The following NDUFA5 variants were observed in gnomAD, a reference collection of about 807,000 sequenced individuals.
The protein encoded by NDUFA5 is NADH:ubiquinone oxidoreductase subunit A5, also known as NADH dehydrogenase [ubiquinone] 1 alpha subcomplex subunit 5.
In NDUFA5, 11 loss-of-function variants were observed where a neutral mutation model predicts 19.8. The observed-to-expected ratio is 0.56, with a 90% CI of 0.35 to 0.92. The LOEUF (loss-of-function observed/expected upper bound fraction) is 0.92. NDUFA5 is among the 40% of genes least tolerant of loss of function. NDUFA5 has a pLI of 0.01. For synonymous variants in NDUFA5, 47 were observed against 46.8 expected (o/e 1.00, Z -0.01); for missense variants, 109 against 134.2 (o/e 0.81, Z 0.93).
At chr7:123,560,076 A>G (rs1009841946), upstream of NDUFA5, among the ~76,000 whole-genome samples, 5 of 152,148 alleles carry the variant, frequency 3.3e-5, no homozygotes, top group South Asian at 1.0e-3. Context: ...TGAATACAGG[A>G]CAAAAACTAT....
chr7:123,550,974 G>A lies in NDUFA5; in HGVS notation c.67-388C>T, dbSNP rs567755907. Among the ~76,000 whole-genome samples the A allele has an allele frequency of 7.9e-5, 12 of 152,232 alleles. No homozygotes were observed. In the South Asian group the frequency reaches 2.5e-3, roughly 32 times the overall value. Reference sequence around the variant, plus strand: ...CGAAGTTTCACTTGTTGCCCAGGCTGGAGTACAATGGCATGATCTTGGCTC... The same window carrying A: ...CGAAGTTTCACTTGTTGCCCAGGCTAGAGTACAATGGCATGATCTTGGCTC... On this transcript the variant is annotated intron_variant, in intron 2 of 4. Transcript: ENST00000355749.
At chr7:123,590,776 A>C in the NDUFA5 span, among the ~76,000 whole-genome samples, 98 of 152,296 alleles carry the variant, frequency 6.4e-4, no homozygotes, top group African/African-American at 2.3e-3. Flanking sequence ...TGTCTTGGCT[A>C]TGCGGGCTCC....
upstream of NDUFA5, among the ~76,000 whole-genome samples, chr7:123,560,669 G>C (rs1281400877): frequency 6.6e-6 from 1 of 152,156 alleles, no homozygotes; most frequent in East Asian, 1.9e-4. Flanking sequence ...CCCTCTCATG[G>C]TATGCTCATA....
the NDUFA5 span, among the ~76,000 whole-genome samples, chr7:123,595,458 T>C: frequency 6.6e-6 from 1 of 152,220 alleles, no homozygotes. Context: ...CACAGATGTG[T>C]TCCCTCTCAG....
intron 2 of NDUFA5, chr7:123,551,708 C>T (rs181177645): frequency 7.3e-4 from 127 of 173,460 alleles, no homozygotes; most frequent in African/African-American, 2.8e-3. Flanking sequence ...AAGGCTCAAC[C>T]GAAAAAGTAG....
At chr7:123,572,912 TTC>T in the NDUFA5 span, among the ~76,000 whole-genome samples, 3 of 152,248 alleles carry the variant, frequency 2.0e-5, no homozygotes, top group South Asian at 6.2e-4. Flanking sequence ...TTTTTCTTTT[TTC>T]TCTTTTTTGT....
At chr7:123,563,740 T>C in the NDUFA5 span, among the ~76,000 whole-genome samples, 3 of 152,172 alleles carry the variant, frequency 2.0e-5, no homozygotes, top group African/African-American at 4.8e-5. Context: ...TTTATACATA[T>C]ACGTGGCTGT....
At chr7:123,558,111 A>C, upstream of NDUFA5, 1 of 489,198 alleles carries the variant, frequency 2.0e-6, no homozygotes, top group Non-Finnish European at 3.7e-6. Flanking sequence ...CTACCAAAAA[A>C]CTCCAGTCGC....
At chr7:123,555,244 CAT>C (rs1798495480) in intron 2 of NDUFA5, 1 of 152,086 alleles carries the variant, frequency 6.6e-6, no homozygotes, top group Non-Finnish European at 1.5e-5. Context: ...TTAGGAAAAT[CAT>C]ATGATTAGAT....
At chr7:123,551,751 G>A (rs2116149271) in intron 2 of NDUFA5, among the ~76,000 whole-genome samples, 1 of 152,252 alleles carries the variant, frequency 6.6e-6, no homozygotes, top group East Asian at 1.9e-4. Context: ...AGCATGTACT[G>A]AAGCACACTG....
Position 123,541,611 on chromosome 7 carries a change from A to T in NDUFA5, c.*508T>A, listed in dbSNP as rs916086486. 1.3e-5 allele frequency: 2 copies of T among 152,228 alleles called. No individual in the cohort carries two copies. The highest frequency in any genetic ancestry group is 4.8e-5 in the African/African-American group (2 of 41,464). The allele number at this position is 152,228 out of a possible 1,614,324, so 9.4% of individuals were successfully genotyped here. ...TTAAATTTCACTTTACATACATAAG[A>T]TCACAGCTGAGGTTAACCATAATTT... On this transcript the variant is annotated 3_prime_UTR_variant, in exon 5 of 5. Transcript: ENST00000355749.
At chr7:123,554,477 T>A (rs781443715) in intron 2 of NDUFA5, among the ~76,000 whole-genome samples, 1 of 137,870 alleles carries the variant, frequency 7.3e-6, no homozygotes, top group Non-Finnish European at 1.7e-5. Context: ...AATGAAAAAT[T>A]CCAGAAATAA....
At chr7:123,599,763 C>CATG in the NDUFA5 span, among the ~76,000 whole-genome samples, 2 of 152,110 alleles carry the variant, frequency 1.3e-5, no homozygotes, top group Non-Finnish European at 2.9e-5. Context: ...GCATTTCTTG[C>CATG]TATATATAGA....
chr7:123,584,826 C>T, the NDUFA5 span: 11 of 151,716 alleles, frequency 7.3e-5, no homozygotes, highest in African/African-American at 2.4e-4. Context: ...TCCATTAGTT[C>T]AAAAGAAAAG....
rs200556751 is a variant in NDUFA5, at chr7:123,557,368, G to A, written c.66+36C>T. On this transcript the variant is annotated intron_variant, in intron 2 of 4. Coordinates refer to ENST00000355749, the MANE Select transcript of NDUFA5 (RefSeq NM_005000.5). ...AGTGACAGGAATTTAGTCTTCCTTG[G>A]GAATTCAAGAACGAAGAAAGAACAA... 2.3e-5 allele frequency: 37 copies of A among 1,613,192 alleles called. No individual in the cohort carries two copies. The East Asian group carries it at 8.3e-4, about 36-fold the overall frequency.
At chr7:123,593,378 A>G in the NDUFA5 span, among the ~76,000 whole-genome samples, 2 of 151,840 alleles carry the variant, frequency 1.3e-5, no homozygotes, top group East Asian at 3.8e-4. Context: ...GATGGTCTTT[A>G]TAATTTGGCA....
At chr7:123,587,003 T>A in the NDUFA5 span, among the ~76,000 whole-genome samples, 1 of 151,726 alleles carries the variant, frequency 6.6e-6, no homozygotes, top group African/African-American at 2.4e-5. Flanking sequence ...GTATTATAAT[T>A]TGATGCTTTC....
At chr7:123,559,857 C>CAAAAA (rs201033454), upstream of NDUFA5, among the ~76,000 whole-genome samples, 2 of 46,498 alleles carry the variant, frequency 4.3e-5, no homozygotes, top group African/African-American at 6.7e-5. Context: ...TTCCGTCTCA[C>CAAAAA]AAAAAAAAAA....
At chr7:123,560,168 A>C (rs991923803), upstream of NDUFA5, among the ~76,000 whole-genome samples, 3 of 152,148 alleles carry the variant, frequency 2.0e-5, no homozygotes, top group African/African-American at 7.2e-5. Flanking sequence ...CAAGCTGGGA[A>C]AAGAAGAGAA....
Sources: gnomAD v4.1 joint callset for allele counts (sites outside exome capture counted in the v4.1 genomes callset) on GRCh38, gnomAD v4.1.1 for gene constraint, MANE v1.5 for transcripts, NCBI Gene and HGNC (gene_info 2026-07-23, HGNC 2026-07-21) for gene names.